The following ZNF689 variants were observed in gnomAD, a reference collection of about 807,000 sequenced individuals.
ZNF689 encodes short ORF-encoded histone-binding protein.
Under a neutral mutation model 37.2 loss-of-function variants are expected in ZNF689, and 14 were observed. The ratio of observed to expected loss-of-function variants is 0.38; its 90% confidence interval spans 0.25 to 0.59. The LOEUF (loss-of-function observed/expected upper bound fraction) is 0.59, where lower values mean the gene tolerates loss of function less well. ZNF689 is among the 20% of genes least tolerant of loss of function. ZNF689 has a pLI of 0.68. For synonymous variants in ZNF689, 277 were observed against 283.3 expected (o/e 0.98, Z 0.22); for missense variants, 573 against 700.2 (o/e 0.82, Z 2.05).
In ZNF689 at chr16:30,604,949, G is replaced by T. The variant is rs200066333; in HGVS notation, c.818C>A (p.Pro273His). The change falls in exon 3 of 3, where the codon CCC becomes CAC. Residue 273 changes from proline (P) to histidine (H), a missense_variant. By Grantham distance (77) the Pro-to-His change is moderately conservative. Transcript: ENST00000287461. This position sits in a 1 kb window ranked among gnomAD's most constrained non-coding sequence, Gnocchi z 5.2. Reference protein sequence around the residue: ...CPSCGRRFAYPSLLAIHQRTH... With the variant: ...CPSCGRRFAYHSLLAIHQRTH... The stretch of plus-strand genomic sequence containing the variant: ...ACGCTGGTGGATGGCTAGCAGGGAG[G>T]GGTAGGCGAAGCGACGTCCACAGCT... 4 of 1,577,480 alleles carry T rather than the reference G, an allele frequency of 2.5e-6. No individual in the cohort carries two copies. In the East Asian group the frequency reaches 9.0e-5, roughly 35 times the overall value.
rs1425579115 is a variant in ZNF689 at position 30,605,067 on chromosome 16, G to C, written c.700C>G (p.His234Asp). 6.2e-7 allele frequency: 1 copy of C among 1,614,068 alleles called. No homozygotes were observed. The highest frequency in any genetic ancestry group is 1.7e-5 in the Admixed American group (1 of 60,010). ...QVIHTGEKPY[H>D]CPDCGRCFRR... Reference sequence around the variant, plus strand: ...AAGCAGCGACCACAGTCAGGGCAGTGATAGGGCTTCTCCCCTGTATGGATG... The same window carrying C: ...AAGCAGCGACCACAGTCAGGGCAGTCATAGGGCTTCTCCCCTGTATGGATG... Residue 234 changes from histidine to aspartate, a missense_variant, in exon 3 of 3, where the codon CAC becomes GAC. Physicochemically the swap from His to Asp is moderately conservative, Grantham distance 81. Coordinates refer to ENST00000287461, the MANE Select transcript of ZNF689 (RefSeq NM_138447.3). This position sits in a 1 kb window ranked among gnomAD's most constrained non-coding sequence, Gnocchi z 5.1.
At chr16:30,606,777 G>A (rs370201022) in intron 2 of ZNF689, among the ~76,000 whole-genome samples, 354 of 152,096 alleles carry the variant, frequency 2.3e-3, no homozygotes, top group African/African-American at 3.0e-3. Flanking sequence ...GACTACAGGC[G>A]TGAGCCACCA....
Position 30,604,999 on chromosome 16 carries a change from T to G in ZNF689, c.768A>C (p.Thr256=). 2 of 1,601,482 alleles carry G rather than the reference T, an allele frequency of 1.2e-6. No individual in the cohort carries two copies. Among genetic ancestry groups the G allele is most frequent in the Non-Finnish European group, 8.5e-7 (1 of 1,172,600 alleles). ...RSLANHRTTH[T]GEKPHQCPSC... ...TAGGGCACTGGTGGGGTTTTTCACC[T>G]GTGTGTGTGGTCCGGTGATTGGCCA... is the stretch of plus-strand genomic sequence containing the variant. Residue 256 remains threonine (T), a synonymous_variant, in exon 3 of 3, where the codon ACA becomes ACC. Transcript: ENST00000287461. This position sits in a 1 kb window ranked among gnomAD's most constrained non-coding sequence, Gnocchi z 5.2.
chr16:30,609,292 CGAA>C (rs1334688132), intron 2 of ZNF689: 15 of 251,166 alleles, frequency 6.0e-5, no homozygotes, highest in Non-Finnish European at 9.6e-5. Flanking sequence ...AAAAAAAAGA[CGAA>C]GAATAAGCCC....
At chr16:30,608,787 T>C (rs1485178565) in intron 2 of ZNF689, among the ~76,000 whole-genome samples, 9 of 152,152 alleles carry the variant, frequency 5.9e-5, no homozygotes, top group African/African-American at 1.4e-4. Context: ...CAAGGAAATA[T>C]CATGGTCAGA....
rs1358960230 is a variant in ZNF689 at position 30,603,273 on chromosome 16, G to C, written c.*991C>G. 6.6e-6 allele frequency: 1 copy of C among 151,816 alleles called. No individual in the cohort carries two copies. The highest frequency in any genetic ancestry group is 1.5e-5 in the Non-Finnish European group (1 of 68,014). 9.4% of individuals were successfully genotyped at this position (151,816 alleles called of 1,614,324 possible). Reference sequence around the variant, plus strand: ...ACCACAGGTCCCTGCTTCTCCTTAAGAGCAACCTTCTCCCAGAGCTGACTA... The same window carrying C: ...ACCACAGGTCCCTGCTTCTCCTTAACAGCAACCTTCTCCCAGAGCTGACTA... On this transcript the variant is annotated 3_prime_UTR_variant, in exon 3 of 3. Coordinates refer to ENST00000287461, the MANE Select transcript of ZNF689 (RefSeq NM_138447.3).
In ZNF689 at chr16:30,605,537, C is replaced by A; in HGVS notation, c.320-90G>T. 3.0e-6 allele frequency: 4 copies of A among 1,353,478 alleles called. No homozygotes were observed. Among genetic ancestry groups the A allele is most frequent in the Non-Finnish European group, 4.0e-6 (4 of 988,228 alleles). The allele number at this position is 1,353,478 out of a possible 1,614,324, so 83.8% of individuals were successfully genotyped here. On this transcript the variant is annotated intron_variant, in intron 2 of 2. Transcript: ENST00000287461. The surrounding 1 kb of genome is among the most constrained non-coding windows in gnomAD (Gnocchi z 5.1). ...AGGTTACAAGACCAATAGACTCACC[C>A]CCTGGTCTCAATTCCTAGTGCCACA...
intron 2 of ZNF689, among the ~76,000 whole-genome samples, chr16:30,607,248 CAAAAAAAAAAAAAAAA>C (rs758625831): frequency 5.4e-5 from 1 of 18,602 alleles, no homozygotes; most frequent in Admixed American, 5.9e-4. Flanking sequence ...GACTCCATCT[CAAAAAAAAAAAAAAAA>C]AAAAAAAAAA....
At position 30,609,646 on chromosome 16, in the gene ZNF689, AAG is replaced by A. The variant is rs1174493606; in HGVS notation, c.206-10_206-9del. On this transcript the variant is annotated splice_polypyrimidine_tract_variant and intron_variant, in intron 1 of 2. Transcript: ENST00000287461. The stretch of plus-strand genomic sequence containing the variant: ...GTTTGGGACCTGCGCACCCTGGGGA[AAG>A]AGAACAAATCAGAAGGCCAGCTCCT... 6.8e-6 allele frequency: 11 copies of A among 1,613,484 alleles called. No homozygotes were observed. The African/African-American group carries it at 8.0e-5, about 12-fold the overall frequency.
chr16:30,603,697 C>CAA lies in ZNF689; in HGVS notation c.*566_*567insTT, dbSNP rs2052003253. ...TATGTAGATGAAGTATTAAACATGT[C>CAA]GTAGGCAAGGTTTAGAGGAGAATGT... is the stretch of plus-strand genomic sequence containing the variant. On this transcript the variant is annotated 3_prime_UTR_variant, in exon 3 of 3. Transcript: ENST00000287461. 5.3e-6 allele frequency: 1 copy of CAA among 188,642 alleles called. No individual in the cohort carries two copies. The allele number at this position is 188,642 out of a possible 1,614,324, so 11.7% of individuals were successfully genotyped here. A position where few individuals can be genotyped will look rare whatever the true frequency, so the allele number is the denominator to read the frequency against.
intron 2 of ZNF689, among the ~76,000 whole-genome samples, chr16:30,607,536 A>G (rs2052047934): frequency 6.6e-6 from 1 of 152,048 alleles, no homozygotes; most frequent in Non-Finnish European, 1.5e-5. Flanking sequence ...GGTTGCAGTG[A>G]GCCAAGATTG....
In ZNF689 at chr16:30,610,085, C is replaced by A; in HGVS notation, c.-44G>T. The A allele has an allele frequency of 1.3e-6, 2 of 1,542,002 alleles. No individual in the cohort carries two copies. The highest frequency in any genetic ancestry group is 1.2e-5 in the South Asian group (1 of 83,818). ...GCCACGGCCTTCCGTGTCCAGGCCT[C>A]GGCCCTCGGGCGCTGGCGGCCCCTG... On this transcript the variant is annotated 5_prime_UTR_variant, in exon 1 of 3. Transcript: ENST00000287461.
At chr16:30,610,554 G>A (rs1335138379), upstream of ZNF689, 2 of 157,884 alleles carry the variant, frequency 1.3e-5, no homozygotes, top group Non-Finnish European at 2.8e-5. Flanking sequence ...AGGATCAGGC[G>A]ACTACAAGGA....
chr16:30,605,262 A>C lies in ZNF689; in HGVS notation c.505T>G (p.Cys169Gly). ...TAAGGCTTTTTTAGATTCTGGGCGC[A>C]CTTGTGGCTCTCCAGGGCCTGATGA... ...PDHQALESHK[C>G]AQNLKKPYPC... The change falls in exon 3 of 3, where the codon TGC (cysteine) becomes GGC (glycine). Residue 169 changes from cysteine to glycine, a missense_variant. This residue lies in a region of ZNF689 where 252 missense variants were observed against 313.3 expected (regional missense o/e 0.80). Coordinates refer to ENST00000287461, the MANE Select transcript of ZNF689 (RefSeq NM_138447.3). The surrounding 1 kb of genome is among the most constrained non-coding windows in gnomAD (Gnocchi z 5.1). 1 of 1,611,586 alleles carries C rather than the reference A, an allele frequency of 6.2e-7. No homozygotes were observed. Among genetic ancestry groups the C allele is most frequent in the Non-Finnish European group, 8.5e-7 (1 of 1,178,266 alleles).
rs2151244637 is a variant in ZNF689 at position 30,605,702 on chromosome 16, T to G, written c.320-255A>C. Reference sequence around the variant, plus strand: ...GAGGCCGGGCACAGTGGATCACGCTTGTAATCGTAAGCACTGGGAGGCCGA... The same window carrying G: ...GAGGCCGGGCACAGTGGATCACGCTGGTAATCGTAAGCACTGGGAGGCCGA... On this transcript the variant is annotated intron_variant, in intron 2 of 2. Coordinates refer to ENST00000287461, the MANE Select transcript of ZNF689 (RefSeq NM_138447.3). This position sits in a 1 kb window ranked among gnomAD's most constrained non-coding sequence, Gnocchi z 5.1. Among the ~76,000 whole-genome samples, 1 of 152,270 alleles carries G rather than the reference T, an allele frequency of 6.6e-6. No homozygotes were observed. The highest frequency in any genetic ancestry group is 1.5e-5 in the Non-Finnish European group (1 of 68,010).
Position 30,604,855 on chromosome 16 carries a change from G to T in ZNF689, c.912C>A (p.Leu304=). 6.3e-7 allele frequency: 1 copy of T among 1,594,378 alleles called. No homozygotes were observed. The highest frequency in any genetic ancestry group is 8.5e-7 in the Non-Finnish European group (1 of 1,170,250). The change falls in exon 3 of 3, where the codon CTC becomes CTA. Residue 304 remains leucine, a synonymous_variant. Coordinates refer to ENST00000287461, the MANE Select transcript of ZNF689 (RefSeq NM_138447.3). This position sits in a 1 kb window ranked among gnomAD's most constrained non-coding sequence, Gnocchi z 5.2. ...CCGTGTGGATGCGCTGGTGGATGAC[G>T]AGGGCCGTGCGCTGGCGGAAGCGGC... ...CNRRFRQRTA[L]VIHQRIHTGE... is the part of the protein sequence containing the mutation.
chr16:30,610,180 C>A lies in ZNF689; in HGVS notation c.-139G>T. 1 of 1,041,046 alleles carries A rather than the reference C, an allele frequency of 9.6e-7. No homozygotes were observed. Among genetic ancestry groups the A allele is most frequent in the Non-Finnish European group, 1.4e-6 (1 of 739,872 alleles). The allele number at this position is 1,041,046 out of a possible 1,614,324, so 64.5% of individuals were successfully genotyped here. ...AGGCCCGGAGGGAATCGGAATTGGT[C>A]GCCCGCGGGGCTAACGGAAACCTTT... On this transcript the variant is annotated 5_prime_UTR_variant, in exon 1 of 3. Transcript: ENST00000287461.
chr16:30,604,602 C>T lies in ZNF689; in HGVS notation c.1165G>A (p.Ala389Thr), dbSNP rs772568230. 1 of 1,599,242 alleles carries T rather than the reference C, an allele frequency of 6.3e-7. No homozygotes were observed. Among genetic ancestry groups the T allele is most frequent in the Non-Finnish European group, 8.5e-7 (1 of 1,173,186 alleles). The change falls in exon 3 of 3, where the codon GCC (alanine) becomes ACC (threonine). Residue 389 changes from alanine (A) to threonine (T), a missense_variant. This residue lies in a region of ZNF689 where 317 missense variants were observed against 367.1 expected (regional missense o/e 0.86). Coordinates refer to ENST00000287461, the MANE Select transcript of ZNF689 (RefSeq NM_138447.3). This position sits in a 1 kb window ranked among gnomAD's most constrained non-coding sequence, Gnocchi z 5.2. Reference protein sequence around the residue: ...GRAFRRSGSLAIHRSTHTEEK... With the variant: ...GRAFRRSGSLTIHRSTHTEEK... ...TCTGTGTGCGTGCTGCGATGGATGG[C>T]CAGGGAGCCGCTCCGCCGGAAGGCA...
intron 2 of ZNF689, among the ~76,000 whole-genome samples, chr16:30,607,427 C>T (rs1337582239): frequency 6.6e-6 from 1 of 150,864 alleles, no homozygotes; most frequent in East Asian, 2.0e-4. Flanking sequence ...CCCGTCTCTA[C>T]TAAAAATACA....
Sources: allele counts gnomAD v4.1 joint callset (sites outside exome capture counted in the v4.1 genomes callset), GRCh38; gene constraint gnomAD v4.1.1; regional missense constraint gnomAD v4.1.1; non-coding constraint Gnocchi (gnomAD v3.1); transcripts MANE v1.5; gene names NCBI Gene and HGNC (gene_info 2026-07-23, HGNC 2026-07-21).